EYS: variants seen among roughly 807,000 people sequenced by gnomAD.
EYS encodes protein eyes shut homolog.
A neutral mutation model predicts 282.1 loss-of-function variants in EYS; 250 were observed. That is an observed-to-expected ratio of 0.89 (90% CI 0.80 to 0.98). The LOEUF (loss-of-function observed/expected upper bound fraction) is 0.98, where lower values mean the gene tolerates loss of function less well. Among genes scored for constraint, EYS ranks in the 50% least tolerant of loss-of-function variants. EYS has a pLI of 0.00. For missense variants in EYS, 4,016 were observed against 3,709.0 expected (o/e 1.08, Z -2.15); for synonymous variants, 1,355 against 1,282.9 (o/e 1.06, Z -1.20).
chr6:64,046,543 ATTCTTT>A (rs1770631723), intron 33 of EYS, among the ~76,000 whole-genome samples: 1 of 140,192 alleles, frequency 7.1e-6, no homozygotes, highest in Admixed American at 7.1e-5. Context: ...CTCAAGCTTT[ATTCTTT>A]TTTTTTTTTC....
At chr6:64,884,190 T>G (rs1767011134) in intron 19 of EYS, among the ~76,000 whole-genome samples, 1 of 151,600 alleles carries the variant, frequency 6.6e-6, no homozygotes, top group Non-Finnish European at 1.5e-5. Context: ...TTAAATGTAT[T>G]CATAGGTGTA....
At chr6:65,151,739 A>G (rs1184118514) in intron 12 of EYS, among the ~76,000 whole-genome samples, 1 of 151,974 alleles carries the variant, frequency 6.6e-6, no homozygotes, top group Non-Finnish European at 1.5e-5. Context: ...GAGATTAGCT[A>G]TGTATTTTCA....
At chr6:64,238,137 C>T (rs891730950) in intron 30 of EYS, among the ~76,000 whole-genome samples, 10 of 152,208 alleles carry the variant, frequency 6.6e-5, no homozygotes, top group African/African-American at 2.2e-4. Context: ...ATTTTTCTCA[C>T]GGGACAAATG....
intron 41 of EYS, among the ~76,000 whole-genome samples, chr6:63,737,278 T>C (rs558164567): frequency 4.8e-4 from 73 of 152,280 alleles, no homozygotes; most frequent in Admixed American, 7.8e-4. Context: ...ACCTAATTTA[T>C]TGAGAGTTTT....
intron 24 of EYS, among the ~76,000 whole-genome samples, chr6:64,612,077 C>T (rs1022136464): frequency 9.2e-5 from 14 of 152,066 alleles, no homozygotes; most frequent in African/African-American, 3.1e-4. Flanking sequence ...GTCTGTCTTG[C>T]TATACTGGTG....
intron 5 of EYS, among the ~76,000 whole-genome samples, chr6:65,423,346 A>G (rs938675167): frequency 2.6e-5 from 4 of 151,926 alleles, no homozygotes; most frequent in African/African-American, 9.7e-5. Flanking sequence ...ACCATGCATA[A>G]AATTAAAAGG....
rs1286849087 is a variant in EYS, at chr6:64,028,510, T to C, written c.6726-29327A>G. 2.6e-5 allele frequency among the ~76,000 whole-genome samples: 4 copies of C among 152,184 alleles called. 1 individual carries two copies. The highest frequency in any genetic ancestry group is 9.7e-5 in the African/African-American group (4 of 41,440). ...GTTGTACCCAACCCCTATATCCTGC[T>C]CTCTCAAATACCAGAGGAAGCAGAA... On this transcript the variant is annotated intron_variant, in intron 33 of 42. Transcript: ENST00000503581.
At chr6:65,265,590 C>G (rs1177898657) in intron 12 of EYS, among the ~76,000 whole-genome samples, 1 of 151,780 alleles carries the variant, frequency 6.6e-6, no homozygotes, top group African/African-American at 2.4e-5. Flanking sequence ...TTAAAATACC[C>G]CACTTCCAAT....
At chr6:64,808,050 TTCTTC>T in intron 22 of EYS, among the ~76,000 whole-genome samples, 2 of 92,716 alleles carry the variant, frequency 2.2e-5, no homozygotes, top group Admixed American at 1.4e-4. Flanking sequence ...CTCCTTTCCC[TTCTTC>T]CCTTCTTCCC....
intron 32 of EYS, among the ~76,000 whole-genome samples, chr6:64,073,992 T>C (rs1327196675): frequency 2.0e-5 from 3 of 151,844 alleles, no homozygotes; most frequent in Admixed American, 6.6e-5. Flanking sequence ...TATCCTTTTC[T>C]TGAAATATTA....
chr6:65,513,005 G>T (rs1034396686), intron 2 of EYS, among the ~76,000 whole-genome samples: 3 of 151,314 alleles, frequency 2.0e-5, no homozygotes, highest in African/African-American at 7.4e-5. Context: ...CCACAAGCTG[G>T]TTTTTTGAAA....
At chr6:65,044,647 C>A (rs528380121) in intron 13 of EYS, among the ~76,000 whole-genome samples, 2 of 151,904 alleles carry the variant, frequency 1.3e-5, no homozygotes, top group African/African-American at 4.8e-5. Flanking sequence ...GTTATCACAT[C>A]TGAACTCAAA....
At chr6:64,422,991 CT>C (rs1463093782) in intron 28 of EYS, among the ~76,000 whole-genome samples, 20 of 151,654 alleles carry the variant, frequency 1.3e-4, no homozygotes, top group African/African-American at 4.8e-4. Flanking sequence ...TTTGGTTTTT[CT>C]TTTAGATAAT....
chr6:65,402,402 C>A, intron 7 of EYS, 76 bp downstream of exon 7: 1 of 1,052,676 alleles, frequency 9.5e-7, no homozygotes, highest in Non-Finnish European at 1.5e-6. Flanking sequence ...AAAACCAGAA[C>A]ATCATTATAT....
At chr6:65,322,498 G>A (rs1378876400) in intron 11 of EYS, among the ~76,000 whole-genome samples, 1 of 152,060 alleles carries the variant, frequency 6.6e-6, no homozygotes, top group African/African-American at 2.4e-5. Flanking sequence ...CCAGCAGGGT[G>A]TAAGAAGTCC....
At chr6:65,101,207 T>G (rs892341682) in intron 12 of EYS, among the ~76,000 whole-genome samples, 8 of 151,256 alleles carry the variant, frequency 5.3e-5, no homozygotes, top group East Asian at 1.9e-4. Context: ...ACCGTTCAAG[T>G]AAGCCTTAGT....
intron 31 of EYS, among the ~76,000 whole-genome samples, chr6:64,211,781 A>G (rs954617251): frequency 2.0e-5 from 3 of 150,990 alleles, no homozygotes; most frequent in African/African-American, 7.3e-5. Context: ...TATAATATTT[A>G]TAATATAAAA....
intron 29 of EYS, among the ~76,000 whole-genome samples, chr6:64,331,651 G>T (rs1675776188): frequency 6.9e-6 from 1 of 145,378 alleles, no homozygotes; most frequent in Admixed American, 7.4e-5. Context: ...GGGAAAAACT[G>T]CATTAGAGAC....
intron 41 of EYS, chr6:63,744,569 CT>C (rs780154959): frequency 9.3e-4 from 136 of 146,366 alleles, no homozygotes; most frequent in Admixed American, 1.3e-3. Context: ...TTCTTTCTTT[CT>C]TTTTTTTTTT....
Sources: gnomAD v4.1 joint callset for allele counts (sites outside exome capture counted in the v4.1 genomes callset) on GRCh38, gnomAD v4.1.1 for gene constraint, MANE v1.5 for transcripts, NCBI Gene and HGNC (gene_info 2026-07-23, HGNC 2026-07-21) for gene names.